The following EEIG2 variants were observed in gnomAD, a reference collection of about 807,000 sequenced individuals.
The protein encoded by EEIG2 is family with sequence similarity 102 member B.
chr1:108,581,266 A>C, the EEIG2 span, among the ~76,000 whole-genome samples: 655 of 152,326 alleles, frequency 4.3e-3, 4 homozygotes, highest in Non-Finnish European at 7.1e-3. Context: ...CAATACACCT[A>C]GTCCCCAAGA....
the EEIG2 span, chr1:108,616,313 G>A: frequency 2.3e-5 from 22 of 955,514 alleles, no homozygotes; most frequent in African/African-American, 8.3e-5. Context: ...AGAAAATATC[G>A]GACTAAGTGC....
the EEIG2 span, among the ~76,000 whole-genome samples, chr1:108,578,369 T>G: frequency 8.1e-6 from 1 of 123,408 alleles, no homozygotes; most frequent in African/African-American, 3.2e-5. Context: ...GGCATCCCTG[T>G]CTTGTGCCAG....
the EEIG2 span, among the ~76,000 whole-genome samples, chr1:108,604,578 A>ATGGT: frequency 2.6e-5 from 4 of 152,156 alleles, no homozygotes; most frequent in African/African-American, 7.2e-5. Flanking sequence ...TAGGAATAAA[A>ATGGT]CCAGGCAATT....
At chr1:108,584,920 A>G in the EEIG2 span, among the ~76,000 whole-genome samples, 1 of 152,184 alleles carries the variant, frequency 6.6e-6, no homozygotes, top group Non-Finnish European at 1.5e-5. Context: ...GTTAGAAAAG[A>G]TTATTCATAG....
the EEIG2 span, chr1:108,637,982 T>C: frequency 6.5e-6 from 1 of 152,690 alleles, no homozygotes; most frequent in Non-Finnish European, 1.5e-5. Flanking sequence ...TGAAAAAGTC[T>C]TGACCAAGAA....
the EEIG2 span, among the ~76,000 whole-genome samples, chr1:108,631,641 ATATAAT>A: frequency 6.6e-6 from 1 of 152,186 alleles, no homozygotes; most frequent in Non-Finnish European, 1.5e-5. Context: ...TAATTATGAT[ATATAAT>A]TATATCATAA....
At chr1:108,576,315 C>G in the EEIG2 span, among the ~76,000 whole-genome samples, 1 of 151,756 alleles carries the variant, frequency 6.6e-6, no homozygotes, top group African/African-American at 2.4e-5. Context: ...TTTTATTATA[C>G]TTTAAGTTTT....
At chr1:108,573,209 G>T in the EEIG2 span, among the ~76,000 whole-genome samples, 3 of 152,146 alleles carry the variant, frequency 2.0e-5, no homozygotes, top group Non-Finnish European at 4.4e-5. Flanking sequence ...GCAATTATTA[G>T]GATTCTACTT....
chr1:108,583,853 G>T, the EEIG2 span, among the ~76,000 whole-genome samples: 440 of 152,170 alleles, frequency 2.9e-3, 2 homozygotes, highest in African/African-American at 1.0e-2. Flanking sequence ...GGTAGAAAAA[G>T]ACCTAATTAG....
At chr1:108,617,155 G>A in the EEIG2 span, among the ~76,000 whole-genome samples, 1 of 152,118 alleles carries the variant, frequency 6.6e-6, no homozygotes, top group Admixed American at 6.5e-5. Context: ...ATGAAGAGGC[G>A]GGTGATAGGA....
At chr1:108,638,378 G>T in the EEIG2 span, 47 of 152,344 alleles carry the variant, frequency 3.1e-4, no homozygotes, top group African/African-American at 1.0e-3. Context: ...TCAAACAGCA[G>T]TTAGTTTTAA....
At chr1:108,596,971 C>G in the EEIG2 span, among the ~76,000 whole-genome samples, 1 of 152,210 alleles carries the variant, frequency 6.6e-6, no homozygotes, top group African/African-American at 2.4e-5. Context: ...TCAAGGGACC[C>G]TTCCACCAGC....
chr1:108,633,305 G>C, the EEIG2 span, among the ~76,000 whole-genome samples: 11 of 151,330 alleles, frequency 7.3e-5, no homozygotes, highest in Admixed American at 5.3e-4. Flanking sequence ...TTTCATTTTT[G>C]AAAGACAAGG....
the EEIG2 span, chr1:108,616,257 G>A: frequency 1.4e-6 from 1 of 697,830 alleles, no homozygotes. Context: ...AGCCTCCCGT[G>A]GATATAACCC....
chr1:108,592,443 C>A, the EEIG2 span, among the ~76,000 whole-genome samples: 1 of 152,210 alleles, frequency 6.6e-6, no homozygotes, highest in African/African-American at 2.4e-5. Flanking sequence ...CTTCGCATGG[C>A]TCTAGTTCAT....
the EEIG2 span, among the ~76,000 whole-genome samples, chr1:108,572,777 G>A: frequency 3.2e-4 from 49 of 152,014 alleles, no homozygotes; most frequent in African/African-American, 1.1e-3. Flanking sequence ...CACCACACCC[G>A]GCTAATTTTT....
the EEIG2 span, among the ~76,000 whole-genome samples, chr1:108,621,830 G>GT: frequency 0.23 from 34,679 of 147,784 alleles, 4,361 homozygotes; most frequent in East Asian, 0.51. Context: ...AATGCAGGGT[G>GT]TTTTTTTTTT....
chr1:108,624,746 C>G, the EEIG2 span: 1 of 1,612,636 alleles, frequency 6.2e-7, no homozygotes, highest in East Asian at 2.2e-5. Context: ...CTTGGAATAG[C>G]AGGTATGGAT....
At chr1:108,612,321 C>A in the EEIG2 span, 3 of 1,468,702 alleles carry the variant, frequency 2.0e-6, no homozygotes, top group South Asian at 2.3e-5. Flanking sequence ...ATTTACTTGT[C>A]AAGAATAAAA....
Sources: allele counts gnomAD v4.1 joint callset (sites outside exome capture counted in the v4.1 genomes callset), GRCh38; gene constraint gnomAD v4.1.1; transcripts MANE v1.5; gene names NCBI Gene and HGNC (gene_info 2026-07-23, HGNC 2026-07-21).